The following AGFG1 variants were observed in gnomAD, a reference collection of about 807,000 sequenced individuals.
AGFG1 encodes ArfGAP with FG repeats 1, also known as arf-GAP domain and FG repeat-containing protein 1.
A neutral mutation model predicts 60.6 loss-of-function variants in AGFG1; 10 were observed. That is an observed-to-expected ratio of 0.16 (90% CI 0.10 to 0.28). AGFG1 has a LOEUF of 0.28. AGFG1 is among the 10% of genes least tolerant of loss of function. AGFG1 has a pLI of 1.00. For synonymous variants in AGFG1, 247 were observed against 242.9 expected, an observed-to-expected ratio of 1.02 and a Z score of -0.16; for missense variants, 537 against 676.5, an observed-to-expected ratio of 0.79 and a Z score of 2.29.
At chr2:227,521,576 G>A (rs1691827797) in intron 3 of AGFG1, among the ~76,000 whole-genome samples, 1 of 152,122 alleles carries the variant, frequency 6.6e-6, no homozygotes, top group South Asian at 2.1e-4. Context: ...TATCATTTTG[G>A]TTCTGAATTT....
chr2:227,526,028 T>C (rs972093423), intron 5 of AGFG1, among the ~76,000 whole-genome samples: 5 of 152,218 alleles, frequency 3.3e-5, no homozygotes, highest in African/African-American at 1.2e-4. Flanking sequence ...AATGAGTTGA[T>C]TTCCTAGCAT....
chr2:227,496,006 T>C (rs182417198), intron 2 of AGFG1, among the ~76,000 whole-genome samples: 1 of 149,828 alleles, frequency 6.7e-6, no homozygotes, highest in Admixed American at 6.7e-5. Context: ...TAATCCCAGG[T>C]ACTTGGGAGA....
At chr2:227,548,607 A>G (rs1442831700) in intron 10 of AGFG1, among the ~76,000 whole-genome samples, 1 of 152,216 alleles carries the variant, frequency 6.6e-6, no homozygotes, top group African/African-American at 2.4e-5. Flanking sequence ...AATGTCATTA[A>G]TGCAAGACTG....
At chr2:227,475,686 C>CCACTACATG (rs1690261923) in intron 1 of AGFG1, among the ~76,000 whole-genome samples, 1 of 152,156 alleles carries the variant, frequency 6.6e-6, no homozygotes, top group South Asian at 2.1e-4. Context: ...TTATGCTAGG[C>CCACTACATG]CACTACATGC....
intron 1 of AGFG1, among the ~76,000 whole-genome samples, chr2:227,477,422 A>T (rs1690318821): frequency 6.6e-6 from 1 of 151,844 alleles, no homozygotes; most frequent in South Asian, 2.1e-4. Context: ...ATTAGTGCAC[A>T]CTCTTAGTGT....
chr2:227,554,570 T>C lies in AGFG1; in HGVS notation c.*75T>C, dbSNP rs891611996. On this transcript the variant is annotated 3_prime_UTR_variant, in exon 13 of 13. Transcript: ENST00000310078. ...TCTCTCCACCTCTTGCACTGTTGTC[T>C]TGTTTCACTGATCTTAGCTTTAAAC... The C allele has an allele frequency of 1.6e-6, 2 of 1,235,564 alleles. No individual in the cohort carries two copies. Among genetic ancestry groups the C allele is most frequent in the Non-Finnish European group, 2.3e-6 (2 of 858,648 alleles). 76.5% of individuals were successfully genotyped at this position (1,235,564 alleles called of 1,614,324 possible).
At chr2:227,498,473 A>ACAATATT (rs1377145022) in intron 2 of AGFG1, among the ~76,000 whole-genome samples, 1 of 152,236 alleles carries the variant, frequency 6.6e-6, no homozygotes, top group African/African-American at 2.4e-5. Flanking sequence ...TTATTATTTA[A>ACAATATT]GGGATATTTA....
intron 10 of AGFG1, among the ~76,000 whole-genome samples, chr2:227,549,823 GTTAT>G (rs959153042): frequency 6.6e-5 from 10 of 151,984 alleles, no homozygotes; most frequent in Non-Finnish European, 1.5e-4. Flanking sequence ...TTCTTAATTT[GTTAT>G]TTATTATTCT....
intron 2 of AGFG1, among the ~76,000 whole-genome samples, chr2:227,496,454 T>A (rs55722757): frequency 0.92 from 137,922 of 149,678 alleles, 63,575 homozygotes; most frequent in Middle Eastern, 0.97. Context: ...AAAAAAAAAA[T>A]AAATAAAATA....
intron 1 of AGFG1, among the ~76,000 whole-genome samples, chr2:227,479,547 A>C (rs951383443): frequency 6.6e-6 from 1 of 152,178 alleles, no homozygotes; most frequent in African/African-American, 2.4e-5. Context: ...AAAACAGGCA[A>C]ATCTCCTTAT....
At position 227,491,648 on chromosome 2, in the gene AGFG1, GTTT is replaced by G. The variant is rs11289047; in HGVS notation, c.261+21_261+23del. On this transcript the variant is annotated intron_variant, in intron 2 of 12. Transcript: ENST00000310078. Reference sequence around the variant, plus strand: ...CAAAAACATGGAAATGAAGTAAGTGGTTTTTTTTTTTTTTTGCAATTTTTGACT... The same window carrying G: ...CAAAAACATGGAAATGAAGTAAGTGGTTTTTTTTTTTTGCAATTTTTGACT... 1,397 of 1,156,840 alleles carry G rather than the reference GTTT, an allele frequency of 1.2e-3. No homozygotes were observed. Among genetic ancestry groups the G allele is most frequent in the South Asian group, 2.6e-3 (135 of 51,322 alleles). 71.7% of individuals were successfully genotyped at this position (1,156,840 alleles called of 1,614,324 possible). A position where few individuals can be genotyped will look rare whatever the true frequency, so the allele number is the denominator to read the frequency against.
chr2:227,508,002 CTTT>C (rs34862640), intron 2 of AGFG1, among the ~76,000 whole-genome samples: 3 of 143,196 alleles, frequency 2.1e-5, no homozygotes, highest in Admixed American at 7.0e-5. Flanking sequence ...CTGAATGTTC[CTTT>C]TTTTTTTTTT....
At chr2:227,477,533 T>C (rs1690322040) in intron 1 of AGFG1, among the ~76,000 whole-genome samples, 1 of 152,194 alleles carries the variant, frequency 6.6e-6, no homozygotes, top group African/African-American at 2.4e-5. Flanking sequence ...TGTTGTGAAT[T>C]CTATATTTTG....
chr2:227,540,407 C>T (rs1175152581), intron 10 of AGFG1, among the ~76,000 whole-genome samples: 1 of 152,096 alleles, frequency 6.6e-6, no homozygotes, highest in African/African-American at 2.4e-5. Context: ...CAAGTGTTCT[C>T]ATTGTTCAGT....
In AGFG1 at chr2:227,561,128, TGATA is replaced by T. The variant is rs1352602283; in HGVS notation, c.*6638_*6641del. On this transcript the variant is annotated 3_prime_UTR_variant, in exon 13 of 13. Coordinates refer to ENST00000310078, the MANE Select transcript of AGFG1 (RefSeq NM_004504.5). ...TATTCATTTCTGAAATACTTTAGTA[TGATA>T]GATAAATTTGGTTAAGTTCTTGTTC... 3 of 152,178 alleles carry T rather than the reference TGATA, an allele frequency of 2.0e-5. No individual in the cohort carries two copies. The highest frequency in any genetic ancestry group is 4.4e-5 in the Non-Finnish European group (3 of 67,994). 9.4% of individuals were successfully genotyped at this position (152,178 alleles called of 1,614,324 possible).
rs183268867 is a variant in AGFG1, at chr2:227,507,183, T to A, written c.262-12765T>A. On this transcript the variant is annotated intron_variant, in intron 2 of 12. Transcript: ENST00000310078. ...GGTTCTTTAAAGTTAAAAAAAAAAATTTAATAATACTGAGACTCAGTTTGC... is the reference window on the plus strand; with the variant it reads ...GGTTCTTTAAAGTTAAAAAAAAAAAATTAATAATACTGAGACTCAGTTTGC... Among the ~76,000 whole-genome samples, 396 of 152,098 alleles carry A rather than the reference T, an allele frequency of 2.6e-3. 5 individuals are homozygous for A. The highest frequency in any genetic ancestry group is 0.022 in the Admixed American group (331 of 15,266).
Position 227,559,555 on chromosome 2 carries a change from T to G in AGFG1, c.*5060T>G, listed in dbSNP as rs1370452425. 5 of 152,128 alleles carry G rather than the reference T, an allele frequency of 3.3e-5. No homozygotes were observed. The highest frequency in any genetic ancestry group is 5.9e-5 in the Non-Finnish European group (4 of 67,988). The allele number at this position is 152,128 out of a possible 1,614,324, so 9.4% of individuals were successfully genotyped here. A position where few individuals can be genotyped will look rare whatever the true frequency, so the allele number is the denominator to read the frequency against. ...GCTGTAGGGACTGATGAAAAGAGAA[T>G]GTTGTGATTTGAGCTTTTATAAAAA... On this transcript the variant is annotated 3_prime_UTR_variant, in exon 13 of 13. Coordinates refer to ENST00000310078, the MANE Select transcript of AGFG1 (RefSeq NM_004504.5).
chr2:227,555,658 T>C lies in AGFG1; in HGVS notation c.*1163T>C, dbSNP rs981601168. ...GTTACCTTAAAGTTACGGAATACTTTGTTTTAAAGGAAAAGATAATAAGTT... is the reference window on the plus strand; with the variant it reads ...GTTACCTTAAAGTTACGGAATACTTCGTTTTAAAGGAAAAGATAATAAGTT... On this transcript the variant is annotated 3_prime_UTR_variant, in exon 13 of 13. Transcript: ENST00000310078. 6.6e-5 allele frequency: 10 copies of C among 152,604 alleles called. No individual in the cohort carries two copies. The highest frequency in any genetic ancestry group is 2.4e-4 in the African/African-American group (10 of 41,430). 9.5% of individuals were successfully genotyped at this position (152,604 alleles called of 1,614,324 possible).
chr2:227,521,071 CTT>C (rs11295504), intron 3 of AGFG1, among the ~76,000 whole-genome samples: 5 of 150,298 alleles, frequency 3.3e-5, no homozygotes. Context: ...CTACATTTTT[CTT>C]TTTTTTTTGG....
Sources: gnomAD v4.1 joint callset for allele counts (sites outside exome capture counted in the v4.1 genomes callset) on GRCh38, gnomAD v4.1.1 for gene constraint, MANE v1.5 for transcripts, NCBI Gene and HGNC (gene_info 2026-07-23, HGNC 2026-07-21) for gene names.